Variants in LCORL observed in about 807,000 individuals in gnomAD.
LCORL encodes the protein ligand dependent nuclear receptor corepressor like.
Under a neutral mutation model 141.8 loss-of-function variants are expected in LCORL, and 41 were observed. That is an observed-to-expected ratio of 0.29 (90% CI 0.23 to 0.38). The LOEUF (loss-of-function observed/expected upper bound fraction) is 0.38. Among genes scored for constraint, LCORL ranks in the 10% least tolerant of loss-of-function variants. The pLI is 1.00. For synonymous variants in LCORL, 618 were observed against 694.1 expected, an observed-to-expected ratio of 0.89 and a Z score of 1.72; for missense variants, 1,759 against 2,035.0, an observed-to-expected ratio of 0.86 and a Z score of 2.61.
rs139656197 is a variant in LCORL, at chr4:17,883,673, AAC to A, written c.776+2393_776+2394del. The A allele has an allele frequency of 8.2e-3, 10,539 of 1,281,782 alleles. 24 individuals carry two copies. The highest frequency in any genetic ancestry group is 8.6e-3 in the Non-Finnish European group (8,288 of 966,972). 79.4% of individuals were successfully genotyped at this position (1,281,782 alleles called of 1,614,324 possible). Reference sequence around the variant, plus strand: ...ACCTGTGCACATACACACACACGCAAACACACACACACACACACACTCACAAA... The same window carrying A: ...ACCTGTGCACATACACACACACGCAAACACACACACACACACACTCACAAA... On this transcript the variant is annotated intron_variant, in intron 6 of 7. Transcript: ENST00000635767.
chr4:17,868,244 T>A (rs1577285800), intron 7 of LCORL, among the ~76,000 whole-genome samples: 1 of 152,296 alleles, frequency 6.6e-6, no homozygotes, highest in East Asian at 1.9e-4. Context: ...AAAACCAGAA[T>A]TCTGAATGGG....
chr4:17,893,031 A>T (rs996787897), intron 5 of LCORL, among the ~76,000 whole-genome samples: 2 of 152,224 alleles, frequency 1.3e-5, no homozygotes, highest in Non-Finnish European at 2.9e-5. Flanking sequence ...GATTACTTTT[A>T]AAAAACCTTT....
Position 18,021,507 on chromosome 4 carries a change from A to C in LCORL, c.154+91T>G. On this transcript the variant is annotated intron_variant, in intron 1 of 7. Transcript: ENST00000635767. This position sits in a 1 kb window ranked among gnomAD's most constrained non-coding sequence, Gnocchi z 5.5. ...CCCCCACCGAACTAACCCGAACGGGAGATTCAACTAAACCCCTCAGCCACA... is the reference window on the plus strand; with the variant it reads ...CCCCCACCGAACTAACCCGAACGGGCGATTCAACTAAACCCCTCAGCCACA... 2 of 1,107,882 alleles carry C rather than the reference A, an allele frequency of 1.8e-6. No individual in the cohort carries two copies. Among genetic ancestry groups the C allele is most frequent in the Non-Finnish European group, 2.5e-6 (2 of 806,910 alleles). 68.6% of individuals were successfully genotyped at this position (1,107,882 alleles called of 1,614,324 possible). A position where few individuals can be genotyped will look rare whatever the true frequency, so the allele number is the denominator to read the frequency against.
At chr4:17,937,479 T>C (rs1042705593) in intron 4 of LCORL, among the ~76,000 whole-genome samples, 2 of 152,176 alleles carry the variant, frequency 1.3e-5, no homozygotes, top group African/African-American at 4.8e-5. Context: ...AGAATAGCAA[T>C]AATCTGAACT....
chr4:17,992,003 A>G (rs1486810337), intron 1 of LCORL, among the ~76,000 whole-genome samples: 2 of 152,164 alleles, frequency 1.3e-5, no homozygotes, highest in Non-Finnish European at 2.9e-5. Flanking sequence ...AAACCTTCTG[A>G]TGACAAGTAA....
chr4:17,959,659 C>A (rs1390149421), intron 4 of LCORL, among the ~76,000 whole-genome samples: 1 of 151,910 alleles, frequency 6.6e-6, no homozygotes, highest in Non-Finnish European at 1.5e-5. Flanking sequence ...AAATTAGTTA[C>A]CATAAGGATA....
chr4:17,925,089 T>G (rs1289589969), intron 4 of LCORL, among the ~76,000 whole-genome samples: 2 of 152,144 alleles, frequency 1.3e-5, no homozygotes, highest in East Asian at 3.9e-4. Context: ...GAGGGAGGAA[T>G]GCTGCCACCA....
rs188012136 is a variant in LCORL, at chr4:17,907,749, G to A, written c.682+1345C>T. Among the ~76,000 whole-genome samples, 14 of 152,254 alleles carry A rather than the reference G, an allele frequency of 9.2e-5. No homozygotes were observed. In the East Asian group the frequency reaches 2.7e-3, roughly 29 times the overall value. On this transcript the variant is annotated intron_variant, in intron 5 of 7. Transcript: ENST00000635767. ...AAAGCTCATCAGCTATAGTCAGTGTGTTAGTGTATTTTATGTGTGGCCCAA... is the reference window on the plus strand; with the variant it reads ...AAAGCTCATCAGCTATAGTCAGTGTATTAGTGTATTTTATGTGTGGCCCAA...
intron 4 of LCORL, among the ~76,000 whole-genome samples, chr4:17,923,782 G>A (rs1410911640): frequency 6.6e-6 from 1 of 152,096 alleles, no homozygotes; most frequent in African/African-American, 2.4e-5. Context: ...AGTCACTTGA[G>A]ACCCACTCAT....
chr4:17,909,384 G>GA, intron 4 of LCORL, 39 bp from the exon 5 acceptor site: 1 of 1,437,022 alleles, frequency 7.0e-7, no homozygotes, highest in Admixed American at 2.4e-5. Flanking sequence ...TTTAAAAAGA[G>GA]AAAGGCAAAT....
intron 4 of LCORL, among the ~76,000 whole-genome samples, chr4:17,944,207 T>C (rs1321098332): frequency 1.3e-5 from 2 of 152,188 alleles, no homozygotes; most frequent in African/African-American, 2.4e-5. Context: ...TCTTTTTAAG[T>C]AGGCTCATTG....
At chr4:17,958,459 A>C (rs914666695) in intron 4 of LCORL, among the ~76,000 whole-genome samples, 1 of 151,978 alleles carries the variant, frequency 6.6e-6, no homozygotes, top group African/African-American at 2.4e-5. Context: ...TAAGCCAGTG[A>C]CTTAAACATT....
chr4:17,982,103 TGTGTGTG>T (rs1718095639), intron 1 of LCORL, among the ~76,000 whole-genome samples: 1 of 40,942 alleles, frequency 2.4e-5, no homozygotes, highest in South Asian at 8.2e-4. Flanking sequence ...TTCCATCGTG[TGTGTGTG>T]TGTGTGTGTG....
chr4:17,972,201 T>A (rs1401037018), intron 2 of LCORL, among the ~76,000 whole-genome samples: 13 of 151,816 alleles, frequency 8.6e-5, no homozygotes, highest in African/African-American at 3.1e-4. Context: ...ATCTCCTGAC[T>A]TCTACTCAAT....
chr4:17,959,472 T>C (rs1475662676), intron 4 of LCORL, among the ~76,000 whole-genome samples: 1 of 152,042 alleles, frequency 6.6e-6, no homozygotes, highest in African/African-American at 2.4e-5. Context: ...TAAACAGTAC[T>C]TACCCTCTTA....
chr4:17,971,399 T>C (rs1360186919), intron 2 of LCORL, among the ~76,000 whole-genome samples: 1 of 151,790 alleles, frequency 6.6e-6, no homozygotes, highest in East Asian at 1.9e-4. Context: ...AATATCTGCA[T>C]ATATCCGAAT....
At chr4:17,987,959 G>C (rs183240955) in intron 1 of LCORL, among the ~76,000 whole-genome samples, 4 of 152,258 alleles carry the variant, frequency 2.6e-5, no homozygotes, top group Admixed American at 2.6e-4. Flanking sequence ...GGATGATATG[G>C]TTTGGCTCTG....
At chr4:18,004,927 CTTTT>C (rs553420080) in intron 1 of LCORL, among the ~76,000 whole-genome samples, 1 of 143,068 alleles carries the variant, frequency 7.0e-6, no homozygotes. Flanking sequence ...GCAGTCAAAG[CTTTT>C]TTTTTTTTTA....
chr4:17,909,310 C>T (rs1319343914), exon 5 of LCORL: 1 of 1,608,410 alleles, frequency 6.2e-7, no homozygotes, highest in Non-Finnish European at 8.5e-7. Flanking sequence ...TCCTGAGCAA[C>T]TAGGGGAATG....
Sources: gnomAD v4.1 joint callset for allele counts (sites outside exome capture counted in the v4.1 genomes callset) on GRCh38, gnomAD v4.1.1 for gene constraint, Gnocchi (gnomAD v3.1) non-coding constraint, MANE v1.5 for transcripts, NCBI Gene and HGNC (gene_info 2026-07-23, HGNC 2026-07-21) for gene names.